The following ARHGAP15 variants were observed in gnomAD, a reference collection of about 807,000 sequenced individuals.
ARHGAP15 encodes the protein Rho GTPase activating protein 15.
Under a neutral mutation model 63.7 loss-of-function variants are expected in ARHGAP15, and 51 were observed. The observed-to-expected ratio is 0.80, with a 90% CI of 0.64 to 1.01. ARHGAP15 has a LOEUF of 1.01. Ranked by LOEUF, ARHGAP15 falls within the 50% of genes least tolerant of loss-of-function variation. The probability of loss-of-function intolerance (pLI) is 0.00; values close to 1 mark genes in which losing one functional copy is unlikely to be tolerated. For synonymous variants in ARHGAP15, 191 were observed against 193.8 expected, an observed-to-expected ratio of 0.99 and a Z score of 0.12; for missense variants, 560 against 564.6, an observed-to-expected ratio of 0.99 and a Z score of 0.08.
chr2:143,327,861 A>AG (rs895965780), intron 6 of ARHGAP15, among the ~76,000 whole-genome samples: 1 of 152,096 alleles, frequency 6.6e-6, no homozygotes, highest in African/African-American at 2.4e-5. Context: ...CATCTGACAA[A>AG]GGGCTAATAC....
At chr2:143,449,416 T>C (rs531919483) in intron 8 of ARHGAP15, among the ~76,000 whole-genome samples, 4 of 152,222 alleles carry the variant, frequency 2.6e-5, no homozygotes, top group African/African-American at 7.2e-5. Flanking sequence ...AGCCTCTTTT[T>C]GTTATTTCCC....
intron 12 of ARHGAP15, among the ~76,000 whole-genome samples, chr2:143,647,444 C>T (rs527978848): frequency 4.6e-5 from 7 of 151,546 alleles, no homozygotes; most frequent in South Asian, 2.1e-4. Context: ...CAGTGCTGAT[C>T]GAAGGATTAT....
chr2:143,235,963 T>G (rs1183636940), intron 5 of ARHGAP15: 6 of 1,546,490 alleles, frequency 3.9e-6, no homozygotes, highest in Non-Finnish European at 3.5e-6. Flanking sequence ...GCTTGATGTG[T>G]TCAGGAGGCA....
At chr2:143,277,410 T>G (rs2105070698) in intron 6 of ARHGAP15, among the ~76,000 whole-genome samples, 1 of 152,086 alleles carries the variant, frequency 6.6e-6, no homozygotes, top group Non-Finnish European at 1.5e-5. Flanking sequence ...CCCCCAGGCC[T>G]TAGAATTATA....
chr2:143,421,474 AGG>A lies in ARHGAP15; in HGVS notation c.475-14125_475-14124del, dbSNP rs1193686069. Among the ~76,000 whole-genome samples, 3 of 152,014 alleles carry A rather than the reference AGG, an allele frequency of 2.0e-5. No homozygotes were observed. In the East Asian group the frequency reaches 5.8e-4, roughly 29 times the overall value. On this transcript the variant is annotated intron_variant, in intron 6 of 13. Transcript: ENST00000295095. Reference sequence around the variant, plus strand: ...GGGACAAAGGGACTGGGAGAGAAAGAGGGAGGAAAAGAGAAAGAGAGCACATC... The same window carrying A: ...GGGACAAAGGGACTGGGAGAGAAAGAGAGGAAAAGAGAAAGAGAGCACATC...
rs573443647 is a variant in ARHGAP15 at position 143,594,174 on chromosome 2, T to C, written c.1004-29959T>C. 1.4e-4 allele frequency among the ~76,000 whole-genome samples: 22 copies of C among 152,148 alleles called. No individual in the cohort carries two copies. The South Asian group carries it at 1.4e-3, about 10-fold the overall frequency. On this transcript the variant is annotated intron_variant, in intron 11 of 13. Transcript: ENST00000295095. ...TATCCATTATGTCAGGTAGCAAATA[T>C]CTTCTCAATGTAACTCCAGACATTA...
intron 10 of ARHGAP15, among the ~76,000 whole-genome samples, chr2:143,540,318 T>C (rs143508271): frequency 0.049 from 7,445 of 152,340 alleles, 260 homozygotes; most frequent in Middle Eastern, 0.075. Context: ...ATGATGGGTC[T>C]TGACTCTTTA....
chr2:143,728,407 C>G (rs1283124445), intron 13 of ARHGAP15, among the ~76,000 whole-genome samples: 2 of 152,080 alleles, frequency 1.3e-5, no homozygotes, highest in Non-Finnish European at 2.9e-5. Flanking sequence ...GTAGCTGGTG[C>G]CTTATCATAT....
chr2:143,562,575 C>A (rs1244262679), intron 11 of ARHGAP15, among the ~76,000 whole-genome samples: 1 of 152,104 alleles, frequency 6.6e-6, no homozygotes, highest in Non-Finnish European at 1.5e-5. Flanking sequence ...GATATTGCAC[C>A]TTTTTGGCTT....
intron 2 of ARHGAP15, among the ~76,000 whole-genome samples, chr2:143,183,945 T>C (rs751160801): frequency 4.6e-5 from 7 of 152,178 alleles, no homozygotes; most frequent in Admixed American, 6.5e-5. Context: ...CCCTTGCTCT[T>C]GAGAGCTCGT....
chr2:143,229,418 C>T (rs1295231303), intron 5 of ARHGAP15, among the ~76,000 whole-genome samples: 6 of 152,080 alleles, frequency 3.9e-5, no homozygotes, highest in African/African-American at 1.4e-4. Flanking sequence ...TGGAGGAGGG[C>T]CTCACATATA....
At chr2:143,708,797 G>A (rs376399102) in intron 13 of ARHGAP15, among the ~76,000 whole-genome samples, 1 of 152,076 alleles carries the variant, frequency 6.6e-6, no homozygotes, top group African/African-American at 2.4e-5. Context: ...TTGCTTTGTT[G>A]TATAACTTCT....
chr2:143,203,868 C>T (rs1439455529), intron 3 of ARHGAP15, among the ~76,000 whole-genome samples: 1 of 151,988 alleles, frequency 6.6e-6, no homozygotes, highest in Non-Finnish European at 1.5e-5. Flanking sequence ...CAGCATGGAC[C>T]ACAGCTTTGA....
intron 10 of ARHGAP15, among the ~76,000 whole-genome samples, chr2:143,552,562 T>C (rs1160827345): frequency 7.7e-6 from 1 of 129,650 alleles, no homozygotes; most frequent in Admixed American, 7.4e-5. Context: ...GAAAAAAAAG[T>C]CGGGGTGGGG....
chr2:143,532,329 C>A (rs1016433084), intron 10 of ARHGAP15, among the ~76,000 whole-genome samples: 3 of 152,196 alleles, frequency 2.0e-5, no homozygotes, highest in Non-Finnish European at 2.9e-5. Flanking sequence ...TGACTTGGAA[C>A]ACTGACTTGG....
chr2:143,201,986 T>C, intron 2 of ARHGAP15, 148 bp from the exon 3 acceptor site: 1 of 677,346 alleles, frequency 1.5e-6, no homozygotes. Flanking sequence ...TTATTTAAAT[T>C]AGTCAATGTC....
In ARHGAP15 at chr2:143,273,179, C is replaced by T. The variant is rs1036930556; in HGVS notation, c.474+22579C>T. Among the ~76,000 whole-genome samples the T allele has an allele frequency of 6.6e-5, 10 of 152,010 alleles. No individual in the cohort carries two copies. In the South Asian group the frequency reaches 2.1e-3, roughly 32 times the overall value. ...ACTATATTATTTTAAAACATTTCTGCTTAAAATATTGCTACACTAATATCC... is the reference window on the plus strand; with the variant it reads ...ACTATATTATTTTAAAACATTTCTGTTTAAAATATTGCTACACTAATATCC... On this transcript the variant is annotated intron_variant, in intron 6 of 13. Coordinates refer to ENST00000295095, the MANE Select transcript of ARHGAP15 (RefSeq NM_018460.4).
intron 6 of ARHGAP15, among the ~76,000 whole-genome samples, chr2:143,324,666 C>G (rs966675043): frequency 6.6e-6 from 1 of 152,032 alleles, no homozygotes; most frequent in African/African-American, 2.4e-5. Context: ...TATGCTGGTC[C>G]GTTGTGTAAA....
chr2:143,211,239 G>A (rs898045904), intron 3 of ARHGAP15, among the ~76,000 whole-genome samples: 9 of 150,684 alleles, frequency 6.0e-5, no homozygotes, highest in African/African-American at 2.2e-4. Flanking sequence ...GAGAAAGAGT[G>A]CAACCTAAAA....
Sources: gnomAD v4.1 joint callset for allele counts (sites outside exome capture counted in the v4.1 genomes callset) on GRCh38, gnomAD v4.1.1 for gene constraint, MANE v1.5 for transcripts, NCBI Gene and HGNC (gene_info 2026-07-23, HGNC 2026-07-21) for gene names.